The following ATAD5 variants were observed in gnomAD, a reference collection of about 807,000 sequenced individuals.
ATAD5 encodes the protein ATPase family AAA domain containing 5, also known as ATPase family AAA domain-containing protein 5.
Under a neutral mutation model 176.9 loss-of-function variants are expected in ATAD5, and 58 were observed. The observed-to-expected ratio is 0.33, with a 90% CI of 0.27 to 0.41. The LOEUF is 0.41. Ranked by LOEUF, ATAD5 falls within the 10% of genes least tolerant of loss-of-function variation. The probability of loss-of-function intolerance (pLI) is 1.00; values close to 1 mark genes in which losing one functional copy is unlikely to be tolerated. For missense variants in ATAD5, 1,789 were observed against 2,094.1 expected, an observed-to-expected ratio of 0.85 and a Z score of 2.84; for synonymous variants, 640 against 712.6, an observed-to-expected ratio of 0.90 and a Z score of 1.62.
In ATAD5 at chr17:30,894,160, A is replaced by G. The variant is rs1909793074; in HGVS notation, c.5297+10A>G. On this transcript the variant is annotated intron_variant, in intron 21 of 22. Transcript: ENST00000321990. ...CAGCAGCTAATTTAGAGTAAGTCTT[A>G]CTTCCTTTACTTTTTATTTTTTGGT... 2.6e-6 allele frequency: 4 copies of G among 1,515,048 alleles called. No individual in the cohort carries two copies. In the East Asian group the frequency reaches 9.1e-5, roughly 35 times the overall value. The allele number at this position is 1,515,048 out of a possible 1,614,324, so 93.9% of individuals were successfully genotyped here. A position where few individuals can be genotyped will look rare whatever the true frequency, so the allele number is the denominator to read the frequency against.
chr17:30,843,798 G>A (rs1000862570), intron 4 of ATAD5, 115 bp from the exon 5 acceptor site: 10 of 522,012 alleles, frequency 1.9e-5, no homozygotes, highest in Non-Finnish European at 3.2e-5. Flanking sequence ...CTGATGGGAG[G>A]TGTATGGAGC....
chr17:30,843,962 A>G lies in ATAD5; in HGVS notation c.2291A>G (p.Glu764Gly). The change falls in exon 5 of 23, where the codon GAG becomes GGG. Residue 764 changes from glutamate to glycine, a missense_variant. Transcript: ENST00000321990. Reference sequence around the variant, plus strand: ...AGTCCTACTGCTTTAAAGCATCCAGAGAAAAATCAGAAGAAACTTCAGTGT... The same window carrying G: ...AGTCCTACTGCTTTAAAGCATCCAGGGAAAAATCAGAAGAAACTTCAGTGT... ...DSSPTALKHP[E>G]KNQKKLQCLN... The G allele has an allele frequency of 1.3e-6, 2 of 1,532,332 alleles. No individual in the cohort carries two copies. Among genetic ancestry groups the G allele is most frequent in the Non-Finnish European group, 1.8e-6 (2 of 1,127,948 alleles). The allele number at this position is 1,532,332 out of a possible 1,614,324, so 94.9% of individuals were successfully genotyped here. A position where few individuals can be genotyped will look rare whatever the true frequency, so the allele number is the denominator to read the frequency against.
At chr17:30,883,486 T>C (rs564734426) in intron 18 of ATAD5, among the ~76,000 whole-genome samples, 1 of 152,200 alleles carries the variant, frequency 6.6e-6, no homozygotes, top group Admixed American at 6.6e-5. Flanking sequence ...TCACTAATTT[T>C]TATATTGGTT....
intron 9 of ATAD5, 149 bp downstream of exon 9, chr17:30,858,472 G>C (rs1907418230): frequency 4.4e-6 from 2 of 453,526 alleles, no homozygotes; most frequent in African/African-American, 4.1e-5. Context: ...TGCAACCTCT[G>C]CTTCCTGGGT....
At position 30,840,635 on chromosome 17, in the gene ATAD5, A is replaced by G; in HGVS notation, c.2095A>G (p.Asn699Asp). 3.9e-6 allele frequency: 6 copies of G among 1,547,912 alleles called. No individual in the cohort carries two copies. Among genetic ancestry groups the G allele is most frequent in the Non-Finnish European group, 5.2e-6 (6 of 1,148,282 alleles). ...TGTTTAGGCAAGCAATACTTCAAAA[A>G]ACATATCAAAAGCAAAACAATTGAT... Reference protein sequence around the residue: ...QIRKASNTSKNISKAKQLIEK... With the variant: ...QIRKASNTSKDISKAKQLIEK... The change falls in exon 4 of 23, where the codon AAC becomes GAC. Residue 699 changes from asparagine to aspartate, a missense_variant. Transcript: ENST00000321990.
rs560952318 is a variant in ATAD5, at chr17:30,893,795, T to C, written c.4942T>C (p.Ser1648Pro). Residue 1648 changes from serine to proline, a missense_variant, in exon 21 of 23, where the codon TCT becomes CCT. By Grantham distance (74) the Ser-to-Pro change is moderately conservative (BLOSUM62 -1). This residue lies in a region of ATAD5 where 403 missense variants were observed against 495.1 expected (regional missense o/e 0.81). Transcript: ENST00000321990. ...TGCCCTTGTTTCTCATTGTTTAAAT[T>C]CTCTCTCTGAGTTCATGGATAACAT... Reference protein sequence around the residue: ...CSALVSHCLNSLSEFMDNMSF... With the variant: ...CSALVSHCLNPLSEFMDNMSF... The C allele has an allele frequency of 6.2e-7, 1 of 1,614,088 alleles. No homozygotes were observed. Among genetic ancestry groups the C allele is most frequent in the Admixed American group, 1.7e-5 (1 of 60,018 alleles).
intron 19 of ATAD5, among the ~76,000 whole-genome samples, chr17:30,890,085 C>A (rs1290442152): frequency 1.3e-5 from 2 of 151,762 alleles, no homozygotes; most frequent in African/African-American, 2.4e-5. Flanking sequence ...ACGGGGATCT[C>A]ACTATGTTGC....
intron 19 of ATAD5, among the ~76,000 whole-genome samples, chr17:30,889,832 CTAA>C (rs147469704): frequency 0.027 from 3,971 of 148,028 alleles, 164 homozygotes; most frequent in African/African-American, 0.09. Flanking sequence ...GTTTTTTCTT[CTAA>C]TGAGTTTAAC....
intron 6 of ATAD5, 119 bp downstream of exon 6, chr17:30,845,035 T>A: frequency 1.1e-6 from 1 of 948,104 alleles, no homozygotes; most frequent in Non-Finnish European, 1.5e-6. Context: ...AAGTCCAGTT[T>A]CAAAGTTGAC....
In ATAD5 at chr17:30,865,621, G is replaced by A. The variant is rs558717849; in HGVS notation, c.3137-83G>A. On this transcript the variant is annotated intron_variant, in intron 10 of 22. Transcript: ENST00000321990. ...TTCTGCAAATACCTACTGTGACATT[G>A]TAACAATAATGTAAATGACTAATAA... 14 of 793,672 alleles carry A rather than the reference G, an allele frequency of 1.8e-5. No homozygotes were observed. In the South Asian group the frequency reaches 2.9e-4, roughly 17 times the overall value. 49.2% of individuals were successfully genotyped at this position (793,672 alleles called of 1,614,324 possible).
Position 30,869,275 on chromosome 17 carries a change from G to T in ATAD5, c.3341G>T (p.Gly1114Val), listed in dbSNP as rs1274758259. 9 of 1,611,628 alleles carry T rather than the reference G, an allele frequency of 5.6e-6. No individual in the cohort carries two copies. The Admixed American group carries it at 1.5e-4, about 27-fold the overall frequency. The change falls in exon 13 of 23, where the codon GGC (glycine) becomes GTC (valine). Residue 1114 changes from glycine (G) to valine (V), a missense_variant. By Grantham distance (109) the Gly-to-Val change is moderately radical. This residue lies in a region of ATAD5 where 487 missense variants were observed against 573.6 expected (regional missense o/e 0.85). Transcript: ENST00000321990. ...EDFSGGIDFK[G>V]SSDDEEESRL... ...TTCTCGGGTGGCATAGACTTTAAAG[G>T]CAGTTCAGATGATGAAGAAGAGAGT...
In ATAD5 at chr17:30,835,673, G is replaced by A; in HGVS notation, c.1592G>A (p.Ser531Asn). Residue 531 changes from serine (S) to asparagine (N), a missense_variant, in exon 2 of 23, where the codon AGC becomes AAC. Ser to Asn is a conservative substitution (Grantham distance 46, BLOSUM62 1). Coordinates refer to ENST00000321990, the MANE Select transcript of ATAD5 (RefSeq NM_024857.5). ...AGGAAAACAGAGTTTTTCAAAAGCAGCACTTTATTTAACAATGAAAGTCTT... is the reference window on the plus strand; with the variant it reads ...AGGAAAACAGAGTTTTTCAAAAGCAACACTTTATTTAACAATGAAAGTCTT... ...RQRKTEFFKS[S>N]TLFNNESLVY... The A allele has an allele frequency of 6.2e-7, 1 of 1,605,918 alleles. No individual in the cohort carries two copies. The highest frequency in any genetic ancestry group is 1.3e-5 in the African/African-American group (1 of 74,436).
intron 14 of ATAD5, 79 bp from the exon 15 acceptor site, chr17:30,876,295 T>TA: frequency 7.8e-7 from 1 of 1,283,984 alleles, no homozygotes. Context: ...AGAGTAGAAA[T>TA]ACAGAATGTG....
intron 15 of ATAD5, 82 bp downstream of exon 15, chr17:30,876,632 TC>T (rs1288458312): frequency 2.6e-6 from 2 of 783,810 alleles, no homozygotes; most frequent in South Asian, 2.7e-5. Context: ...TTTTACGAGT[TC>T]CTGTTGCTAT....
chr17:30,891,208 C>T (rs1224237638), intron 19 of ATAD5, among the ~76,000 whole-genome samples: 1 of 152,110 alleles, frequency 6.6e-6, no homozygotes, highest in Non-Finnish European at 1.5e-5. Flanking sequence ...CTTATGCTCC[C>T]ATGAATAGTA....
intron 6 of ATAD5, among the ~76,000 whole-genome samples, 199 bp downstream of exon 6, chr17:30,845,115 C>T (rs1451194877): frequency 6.6e-6 from 1 of 151,846 alleles, no homozygotes; most frequent in African/African-American, 2.4e-5. Flanking sequence ...CATCGCTAGA[C>T]AAAACAGAAA....
At chr17:30,844,352 C>T (rs187089275) in intron 5 of ATAD5, among the ~76,000 whole-genome samples, 21 of 151,890 alleles carry the variant, frequency 1.4e-4, no homozygotes, top group Non-Finnish European at 2.4e-4. Context: ...AGGCTGGTCT[C>T]GAACTCCTGA....
At chr17:30,854,806 T>C (rs1907195706) in intron 6 of ATAD5, among the ~76,000 whole-genome samples, 1 of 152,188 alleles carries the variant, frequency 6.6e-6, no homozygotes, top group African/African-American at 2.4e-5. Context: ...GAAGGCTAGA[T>C]AGAGTACAGT....
At chr17:30,894,488 A>T in intron 21 of ATAD5, 76 bp from the exon 22 acceptor site, 1 of 1,436,820 alleles carries the variant, frequency 7.0e-7, no homozygotes, top group Non-Finnish European at 9.5e-7. Flanking sequence ...AGGCAAGGAA[A>T]CTAAACTGGT....
Sources: allele counts gnomAD v4.1 joint callset (sites outside exome capture counted in the v4.1 genomes callset), GRCh38; gene constraint gnomAD v4.1.1; regional missense constraint gnomAD v4.1.1; transcripts MANE v1.5; gene names NCBI Gene and HGNC (gene_info 2026-07-23, HGNC 2026-07-21).